The following RSRC2 variants were observed in gnomAD, a reference collection of about 807,000 sequenced individuals.
The protein encoded by RSRC2 is arginine and serine rich coiled-coil 2, also known as arginine/serine-rich coiled-coil protein 2.
In RSRC2, 5 loss-of-function variants were observed where a neutral mutation model predicts 61.3. The ratio of observed to expected loss-of-function variants is 0.08; its 90% CI spans 0.04 to 0.17. The LOEUF is 0.17. RSRC2 is among the 10% of genes least tolerant of loss of function. RSRC2 has a pLI of 1.00. For missense variants in RSRC2, 381 were observed against 518.8 expected (o/e 0.73, Z 2.58); for synonymous variants, 202 against 166.5 (o/e 1.21, Z -1.64).
chr12:122,508,175 TA>T (rs1179082856), intron 8 of RSRC2, 42 bp downstream of exon 8: 1 of 1,542,190 alleles, frequency 6.5e-7, no homozygotes, highest in Non-Finnish European at 9.0e-7. Flanking sequence ...AAGCAATTAC[TA>T]ATTAGGAATA....
At chr12:122,524,911 A>G (rs1460828353) in intron 1 of RSRC2, among the ~76,000 whole-genome samples, 3 of 152,188 alleles carry the variant, frequency 2.0e-5, no homozygotes, top group South Asian at 4.1e-4. Flanking sequence ...TTGGTTTCTT[A>G]TAATTTACAT....
rs768515110 is a variant in RSRC2, at chr12:122,517,335, G to A, written c.494C>T (p.Ser165Leu). Residue 165 changes from serine to leucine, a missense_variant, in exon 5 of 10, where the codon TCG (serine) becomes TTG (leucine). Physicochemically the swap from Ser to Leu is moderately radical, Grantham distance 145. Transcript: ENST00000331738. ...TTTTCTTTCCCTGCTTCTGGATCTCGATTTCTTCCTCTCTCTGCTTCTGGA... is the reference window on the plus strand; with the variant it reads ...TTTTCTTTCCCTGCTTCTGGATCTCAATTTCTTCCTCTCTCTGCTTCTGGA... The part of the protein sequence containing the change: ...SRSRSRERKK[S>L]RSRSRERKRR... The A allele has an allele frequency of 1.9e-6, 3 of 1,613,800 alleles. No homozygotes were observed. The highest frequency in any genetic ancestry group is 2.5e-6 in the Non-Finnish European group (3 of 1,179,784).
chr12:122,505,082 T>C lies in RSRC2; in HGVS notation c.*445A>G, dbSNP rs1466019033. 6.5e-6 allele frequency: 1 copy of C among 153,286 alleles called. No individual in the cohort carries two copies. The highest frequency in any genetic ancestry group is 1.5e-5 in the Non-Finnish European group (1 of 68,516). 9.5% of individuals were successfully genotyped at this position (153,286 alleles called of 1,614,324 possible). A position where few individuals can be genotyped will look rare whatever the true frequency, so the allele number is the denominator to read the frequency against. On this transcript the variant is annotated 3_prime_UTR_variant, in exon 10 of 10. Transcript: ENST00000331738. ...TTGAGAAAACCATTTTTATTATCAT[T>C]ACCACCCAGCTTATCTGTGCTGGAT...
intron 7 of RSRC2, among the ~76,000 whole-genome samples, chr12:122,509,449 CAA>C (rs904942140): frequency 8.1e-6 from 1 of 123,034 alleles, no homozygotes; most frequent in Non-Finnish European, 1.7e-5. Context: ...GCCTCCGTCT[CAA>C]AAAAAAAAAC....
intron 6 of RSRC2, chr12:122,514,892 G>T: frequency 1.5e-6 from 1 of 685,994 alleles, no homozygotes; most frequent in Non-Finnish European, 2.2e-6. Context: ...AAATCATGAA[G>T]GAAAAAACAG....
At chr12:122,505,942 C>A (rs965499741) in intron 9 of RSRC2, among the ~76,000 whole-genome samples, 17 of 152,220 alleles carry the variant, frequency 1.1e-4, no homozygotes, top group South Asian at 1.0e-3. Flanking sequence ...CCACGCCCAG[C>A]TAATTTTTGT....
At chr12:122,517,466 A>G in intron 4 of RSRC2, 36 bp from the exon 5 acceptor site, 2 of 1,612,992 alleles carry the variant, frequency 1.2e-6, no homozygotes, top group Non-Finnish European at 8.5e-7. Flanking sequence ...AATTACTTAA[A>G]AGTTGTGTTG....
At chr12:122,513,247 A>G (rs964609447) in intron 6 of RSRC2, among the ~76,000 whole-genome samples, 4 of 147,652 alleles carry the variant, frequency 2.7e-5, no homozygotes, top group Non-Finnish European at 4.5e-5. Context: ...AAATAAATAA[A>G]ATAAAATAAA....
At chr12:122,515,767 A>C (rs1018745350) in intron 5 of RSRC2, among the ~76,000 whole-genome samples, 1 of 152,178 alleles carries the variant, frequency 6.6e-6, no homozygotes, top group African/African-American at 2.4e-5. Flanking sequence ...AGGCGGACAG[A>C]TGACCTGAGG....
chr12:122,520,414 CATTACT>C (rs959029000), intron 3 of RSRC2: 1 of 742,698 alleles, frequency 1.3e-6, no homozygotes, highest in African/African-American at 1.9e-5. Context: ...TCAAACATAA[CATTACT>C]ATTAATTTAA....
chr12:122,508,993 T>C (rs1958302206), intron 7 of RSRC2, among the ~76,000 whole-genome samples: 1 of 151,986 alleles, frequency 6.6e-6, no homozygotes, highest in Admixed American at 6.6e-5. Context: ...ACTTTGAGGA[T>C]AGAGAATTCT....
chr12:122,518,775 G>A (rs747098623), intron 4 of RSRC2, 64 bp downstream of exon 4: 20 of 1,289,728 alleles, frequency 1.6e-5, no homozygotes, highest in Non-Finnish European at 2.1e-5. Flanking sequence ...GGGTGTTGCT[G>A]GGTCAATGAG....
At chr12:122,509,460 AC>A (rs1565888806) in intron 7 of RSRC2, among the ~76,000 whole-genome samples, 3 of 150,720 alleles carry the variant, frequency 2.0e-5, no homozygotes, top group African/African-American at 4.8e-5. Flanking sequence ...AAAAAAAAAA[AC>A]AAAAACAAAA....
chr12:122,514,877 C>A, intron 6 of RSRC2: 1 of 666,198 alleles, frequency 1.5e-6, no homozygotes, highest in Non-Finnish European at 2.2e-6. Flanking sequence ...AAAATGAAAT[C>A]AGTTAAATCA....
intron 1 of RSRC2, among the ~76,000 whole-genome samples, 156 bp downstream of exon 1, chr12:122,526,692 C>T (rs1960556042): frequency 6.6e-6 from 1 of 152,200 alleles, no homozygotes; most frequent in Non-Finnish European, 1.5e-5. Flanking sequence ...CTTCCCCCTC[C>T]CTACAGCAGG....
intron 1 of RSRC2, 49 bp downstream of exon 1, chr12:122,526,799 A>G: frequency 6.2e-7 from 1 of 1,609,808 alleles, no homozygotes; most frequent in Non-Finnish European, 8.5e-7. Flanking sequence ...CCACTGTTGG[A>G]ACGTAGCAGA....
chr12:122,517,197 TAA>T (rs779795081), intron 5 of RSRC2, 28 bp downstream of exon 5: 45 of 1,613,124 alleles, frequency 2.8e-5, no homozygotes, highest in Non-Finnish European at 3.6e-5. Context: ...AGGGTCCTAT[TAA>T]ATTTTATTCA....
intron 6 of RSRC2, 33 bp from the exon 7 acceptor site, chr12:122,511,221 C>T (rs1173492861): frequency 6.7e-7 from 1 of 1,493,372 alleles, no homozygotes; most frequent in Non-Finnish European, 9.2e-7. Flanking sequence ...TTTAAAATAA[C>T]ACAATATAAA....
intron 6 of RSRC2, chr12:122,514,858 A>C: frequency 1.4e-6 from 1 of 698,210 alleles, no homozygotes; most frequent in Non-Finnish European, 2.1e-6. Context: ...TGGGAGTCTA[A>C]ATTTGAGAAA....
Sources: gnomAD v4.1 joint callset for allele counts (sites outside exome capture counted in the v4.1 genomes callset) on GRCh38, gnomAD v4.1.1 for gene constraint, MANE v1.5 for transcripts, NCBI Gene and HGNC (gene_info 2026-07-23, HGNC 2026-07-21) for gene names.